Variants in CLSTN2 observed in about 807,000 individuals in gnomAD.
CLSTN2 encodes calsyntenin 2.
In CLSTN2, 48 loss-of-function variants were observed where a neutral mutation model predicts 101.2. The observed-to-expected ratio is 0.47, with a 90% CI of 0.38 to 0.60. CLSTN2 has a LOEUF of 0.60. Ranked by LOEUF, CLSTN2 falls within the 20% of genes least tolerant of loss-of-function variation. The pLI, the probability that CLSTN2 is intolerant of heterozygous loss-of-function variation, is 0.00. For missense variants in CLSTN2, 1,160 were observed against 1,238.2 expected (o/e 0.94, Z 0.95); for synonymous variants, 481 against 463.6 (o/e 1.04, Z -0.48).
At chr3:140,015,366 T>C (rs1480368581) in intron 1 of CLSTN2, among the ~76,000 whole-genome samples, 1 of 152,018 alleles carries the variant, frequency 6.6e-6, no homozygotes, top group Non-Finnish European at 1.5e-5. Context: ...ATGATGATGA[T>C]ACAGTAGGAG....
chr3:139,995,278 C>T (rs1052581841), intron 1 of CLSTN2, among the ~76,000 whole-genome samples: 3 of 152,160 alleles, frequency 2.0e-5, no homozygotes, highest in East Asian at 3.9e-4. Flanking sequence ...GATCTTTCTT[C>T]AGGAAATTGC....
intron 2 of CLSTN2, among the ~76,000 whole-genome samples, chr3:140,303,961 A>G (rs565461521): frequency 6.6e-6 from 1 of 152,110 alleles, no homozygotes; most frequent in African/African-American, 2.4e-5. Context: ...ATTTTAAGCA[A>G]GTTACTTCTT....
intron 2 of CLSTN2, among the ~76,000 whole-genome samples, chr3:140,323,644 C>G (rs2087305129): frequency 6.6e-6 from 1 of 152,226 alleles, no homozygotes; most frequent in South Asian, 2.1e-4. Context: ...TACTATTCTA[C>G]TAAAGATAAA....
chr3:140,443,433 G>A (rs906363812), intron 5 of CLSTN2, among the ~76,000 whole-genome samples: 5 of 152,160 alleles, frequency 3.3e-5, no homozygotes, highest in African/African-American at 1.2e-4. Context: ...ATGTTCTCTT[G>A]ATAAGAAAAC....
At chr3:140,226,219 G>A (rs2086318966) in intron 2 of CLSTN2, among the ~76,000 whole-genome samples, 1 of 152,168 alleles carries the variant, frequency 6.6e-6, no homozygotes, top group African/African-American at 2.4e-5. Context: ...TAAAGACAGG[G>A]TGGGGATGGG....
At chr3:140,364,474 G>C (rs544772880) in intron 2 of CLSTN2, among the ~76,000 whole-genome samples, 2 of 152,324 alleles carry the variant, frequency 1.3e-5, no homozygotes, top group East Asian at 3.9e-4. Flanking sequence ...TGACCACCTT[G>C]AAACTTGTAT....
At position 139,964,089 on chromosome 3, in the gene CLSTN2, A is replaced by G. The variant is rs978422922; in HGVS notation, c.109+28606A>G. Among the ~76,000 whole-genome samples, 6 of 152,338 alleles carry G rather than the reference A, an allele frequency of 3.9e-5. No homozygotes were observed. In the East Asian group the frequency reaches 1.2e-3, roughly 29 times the overall value. On this transcript the variant is annotated intron_variant, in intron 1 of 16. Transcript: ENST00000458420. The stretch of plus-strand genomic sequence containing the variant: ...TTTTTATATTTCCTCTAGGAAAAAA[A>G]TCCAACATTTCATTTTATTGAATAG...
Position 140,571,060 on chromosome 3 carries a change from A to G in CLSTN2, c.*4807A>G, listed in dbSNP as rs1302985966. 6.6e-6 allele frequency: 1 copy of G among 152,246 alleles called. No homozygotes were observed. The highest frequency in any genetic ancestry group is 1.5e-5 in the Non-Finnish European group (1 of 68,046). The allele number at this position is 152,246 out of a possible 1,614,324, so 9.4% of individuals were successfully genotyped here. The stretch of plus-strand genomic sequence containing the variant: ...CACGAGAGTTGAAAGCCTTGGATCG[A>G]GGTGATTGCCTGGTTACTGAGTGCT... On this transcript the variant is annotated 3_prime_UTR_variant, in exon 17 of 17. Coordinates refer to ENST00000458420, the MANE Select transcript of CLSTN2 (RefSeq NM_022131.3).
intron 10 of CLSTN2, among the ~76,000 whole-genome samples, chr3:140,548,485 A>G (rs1321496757): frequency 6.6e-6 from 1 of 152,172 alleles, no homozygotes; most frequent in Admixed American, 6.5e-5. Flanking sequence ...AACCTTGGAG[A>G]CTGGCAGTCA....
chr3:140,134,586 A>G (rs909621264), intron 1 of CLSTN2, among the ~76,000 whole-genome samples: 2 of 152,184 alleles, frequency 1.3e-5, no homozygotes, highest in Non-Finnish European at 2.9e-5. Context: ...TTGGGTTTTA[A>G]TCTGGCCTCT....
intron 1 of CLSTN2, among the ~76,000 whole-genome samples, chr3:140,083,015 T>G (rs1204048694): frequency 6.6e-6 from 1 of 152,170 alleles, no homozygotes; most frequent in Non-Finnish European, 1.5e-5. Context: ...CCTGAGAAAA[T>G]CTACCTTATC....
intron 9 of CLSTN2, among the ~76,000 whole-genome samples, chr3:140,539,193 T>A (rs1222957426): frequency 6.6e-6 from 1 of 150,768 alleles, no homozygotes; most frequent in African/African-American, 2.5e-5. Context: ...AACTTCAGGA[T>A]CTATAGAAGG....
intron 2 of CLSTN2, among the ~76,000 whole-genome samples, chr3:140,286,068 T>C (rs2086893222): frequency 6.6e-6 from 1 of 152,148 alleles, no homozygotes; most frequent in Non-Finnish European, 1.5e-5. Context: ...ACTTCACTAA[T>C]AGCAGAGGGT....
chr3:139,949,082 G>A (rs1024139288), intron 1 of CLSTN2, among the ~76,000 whole-genome samples: 1 of 152,142 alleles, frequency 6.6e-6, no homozygotes, highest in African/African-American at 2.4e-5. Flanking sequence ...CAGCCTGGAA[G>A]GCCTCCCCCA....
At chr3:140,428,795 C>A (rs554204245) in intron 5 of CLSTN2, among the ~76,000 whole-genome samples, 96 of 152,200 alleles carry the variant, frequency 6.3e-4, no homozygotes, top group Non-Finnish European at 1.2e-3. Flanking sequence ...TTGAATAATT[C>A]TCCAAGTGCG....
intron 2 of CLSTN2, among the ~76,000 whole-genome samples, chr3:140,305,859 G>T (rs2087109569): frequency 1.3e-5 from 2 of 152,020 alleles, no homozygotes; most frequent in South Asian, 4.2e-4. Flanking sequence ...TGGCAGGACT[G>T]ACACTAAAAA....
At chr3:140,522,898 C>T (rs1404534809) in intron 8 of CLSTN2, among the ~76,000 whole-genome samples, 3 of 152,110 alleles carry the variant, frequency 2.0e-5, no homozygotes, top group African/African-American at 7.2e-5. Flanking sequence ...TATTATTTCT[C>T]AGACAGGCAA....
intron 2 of CLSTN2, among the ~76,000 whole-genome samples, chr3:140,314,218 A>G (rs2087205778): frequency 1.3e-5 from 2 of 152,356 alleles, no homozygotes; most frequent in Non-Finnish European, 1.5e-5. Flanking sequence ...AAAGTTGGGT[A>G]AAGATAAAAT....
chr3:140,190,438 CAAAAAAAAAAAAAAA>C (rs35206840), intron 2 of CLSTN2, among the ~76,000 whole-genome samples: 2 of 82,942 alleles, frequency 2.4e-5, no homozygotes, highest in East Asian at 1.1e-3. Context: ...TCTATAGCTA[CAAAAAAAAAAAAAAA>C]AAAAAAAAAT....
Sources: allele counts gnomAD v4.1 joint callset (sites outside exome capture counted in the v4.1 genomes callset), GRCh38; gene constraint gnomAD v4.1.1; transcripts MANE v1.5; gene names NCBI Gene and HGNC (gene_info 2026-07-23, HGNC 2026-07-21).